Variants in PIK3C2G observed in about 807,000 individuals in gnomAD.
PIK3C2G encodes the protein phosphatidylinositol 3-kinase C2 domain-containing subunit gamma.
A neutral mutation model predicts 181.1 loss-of-function variants in PIK3C2G; 168 were observed. The ratio of observed to expected loss-of-function variants is 0.93; its 90% CI spans 0.82 to 1.05. The LOEUF (loss-of-function observed/expected upper bound fraction) is 1.05. Among genes scored for constraint, PIK3C2G ranks in the 50% least tolerant of loss-of-function variants. The probability of loss-of-function intolerance (pLI) is 0.00; values close to 1 mark genes in which losing one functional copy is unlikely to be tolerated. For missense variants in PIK3C2G, 1,869 were observed against 1,732.8 expected, an observed-to-expected ratio of 1.08 and a Z score of -1.40; for synonymous variants, 573 against 592.2, an observed-to-expected ratio of 0.97 and a Z score of 0.47.
chr12:18,629,243 G>A (rs970637255), intron 31 of PIK3C2G, among the ~76,000 whole-genome samples: 1 of 152,134 alleles, frequency 6.6e-6, no homozygotes, highest in African/African-American at 2.4e-5. Context: ...CAACAGAGAG[G>A]GAGAACTTGC....
chr12:18,429,904 T>C (rs1340596861), intron 18 of PIK3C2G, among the ~76,000 whole-genome samples: 2 of 152,192 alleles, frequency 1.3e-5, no homozygotes, highest in Non-Finnish European at 2.9e-5. Flanking sequence ...AATTAGCCTC[T>C]GATTCCACAG....
At chr12:18,418,419 A>G (rs1945298653) in intron 16 of PIK3C2G, among the ~76,000 whole-genome samples, 1 of 152,214 alleles carries the variant, frequency 6.6e-6, no homozygotes, top group Non-Finnish European at 1.5e-5. Flanking sequence ...AGACTGGTTC[A>G]GTGAATATTA....
At chr12:18,656,898 G>T in the PIK3C2G span, among the ~76,000 whole-genome samples, 21 of 152,270 alleles carry the variant, frequency 1.4e-4, no homozygotes, top group African/African-American at 4.8e-4. Flanking sequence ...GAGAGATGTG[G>T]TGTTAAAGTT....
the PIK3C2G span, chr12:18,712,906 T>C: frequency 6.2e-7 from 1 of 1,613,958 alleles, no homozygotes; most frequent in Non-Finnish European, 8.5e-7. Flanking sequence ...TGTGAGTGTG[T>C]AGCCATGATA....
At chr12:18,705,537 A>G in the PIK3C2G span, among the ~76,000 whole-genome samples, 1 of 152,188 alleles carries the variant, frequency 6.6e-6, no homozygotes, top group Non-Finnish European at 1.5e-5. Flanking sequence ...AAGAATAGGA[A>G]CAACTGAAGC....
chr12:18,251,175 G>T (rs1948092266), intron 1 of PIK3C2G, among the ~76,000 whole-genome samples: 1 of 151,902 alleles, frequency 6.6e-6, no homozygotes, highest in Non-Finnish European at 1.5e-5. Context: ...AAAGACAGAT[G>T]GAGAACATCT....
chr12:18,274,561 C>A lies in PIK3C2G; in HGVS notation c.-78-7443C>A, dbSNP rs533494269. Among the ~76,000 whole-genome samples the A allele has an allele frequency of 2.7e-3, 416 of 152,184 alleles. 2 individuals are homozygous for A. Among genetic ancestry groups the A allele is most frequent in the Non-Finnish European group, 4.5e-3 (308 of 68,010 alleles). On this transcript the variant is annotated intron_variant, in intron 1 of 32. Transcript: ENST00000538779. ...AGCAAACTATCGCAAGGACAAAAAACCAAACACCGCATGTTCTCACTTATA... is the reference window on the plus strand; with the variant it reads ...AGCAAACTATCGCAAGGACAAAAAAACAAACACCGCATGTTCTCACTTATA...
chr12:18,564,668 G>A (rs1202057205), intron 28 of PIK3C2G, among the ~76,000 whole-genome samples: 1 of 151,914 alleles, frequency 6.6e-6, no homozygotes, highest in African/African-American at 2.4e-5. Flanking sequence ...AAGTCATTCT[G>A]GCAACTTTTA....
chr12:18,540,611 T>TTTA (rs1360304971), intron 25 of PIK3C2G, among the ~76,000 whole-genome samples: 2 of 151,938 alleles, frequency 1.3e-5, no homozygotes, highest in African/African-American at 4.8e-5. Context: ...ACTGTGGTAT[T>TTTA]TTATTCATAA....
At chr12:18,664,048 A>G in the PIK3C2G span, among the ~76,000 whole-genome samples, 39 of 152,302 alleles carry the variant, frequency 2.6e-4, no homozygotes, top group African/African-American at 9.4e-4. Flanking sequence ...ACAATGATAT[A>G]ACACTCACAC....
At chr12:18,691,901 G>A in the PIK3C2G span, among the ~76,000 whole-genome samples, 3 of 152,214 alleles carry the variant, frequency 2.0e-5, no homozygotes, top group Admixed American at 6.5e-5. Context: ...TTCTAGTCCT[G>A]GTCATCTTTG....
the PIK3C2G span, among the ~76,000 whole-genome samples, chr12:18,689,635 A>T: frequency 6.6e-6 from 1 of 152,318 alleles, no homozygotes; most frequent in Admixed American, 6.5e-5. Flanking sequence ...AGAGGAAGGG[A>T]TATCAAACAA....
intron 31 of PIK3C2G, among the ~76,000 whole-genome samples, chr12:18,629,261 T>C (rs1949238705): frequency 6.6e-6 from 1 of 152,148 alleles, no homozygotes; most frequent in African/African-American, 2.4e-5. Flanking sequence ...TGCACAGATA[T>C]GAGAGAGGGC....
At chr12:18,644,781 T>G (rs1473744699) in intron 32 of PIK3C2G, among the ~76,000 whole-genome samples, 4 of 152,188 alleles carry the variant, frequency 2.6e-5, no homozygotes, top group African/African-American at 9.6e-5. Flanking sequence ...TATTCCTACC[T>G]GTCTCCTCCC....
intron 25 of PIK3C2G, among the ~76,000 whole-genome samples, chr12:18,542,092 T>C (rs1253748287): frequency 6.6e-6 from 1 of 151,764 alleles, no homozygotes; most frequent in Non-Finnish European, 1.5e-5. Context: ...AAATGTTTGA[T>C]AGAGTTCTAA....
intron 1 of PIK3C2G, among the ~76,000 whole-genome samples, chr12:18,274,364 T>C (rs961289643): frequency 3.3e-5 from 5 of 152,188 alleles, no homozygotes; most frequent in African/African-American, 1.2e-4. Context: ...GTATGTTTAT[T>C]GCGGCACTAT....
chr12:18,320,644 A>G (rs1209786509), intron 6 of PIK3C2G, among the ~76,000 whole-genome samples: 1 of 152,216 alleles, frequency 6.6e-6, no homozygotes, highest in African/African-American at 2.4e-5. Context: ...ATGTGCATGT[A>G]TGTGGGAGAA....
chr12:18,565,616 G>A lies in PIK3C2G; in HGVS notation c.3903-1333G>A, dbSNP rs1315706412. ...AATTGAGGGAGGATATGATGATACT[G>A]TCAGACAAAAGGTCATTAAAAAGTA... On this transcript the variant is annotated intron_variant, in intron 28 of 32. Transcript: ENST00000538779. 2.6e-5 allele frequency among the ~76,000 whole-genome samples: 4 copies of A among 152,114 alleles called. No homozygotes were observed. The South Asian group carries it at 6.2e-4, about 24-fold the overall frequency.
At chr12:18,465,495 T>C (rs1555195096) in intron 18 of PIK3C2G, among the ~76,000 whole-genome samples, 1 of 151,912 alleles carries the variant, frequency 6.6e-6, no homozygotes, top group Non-Finnish European at 1.5e-5. Flanking sequence ...AGGGTGTTGT[T>C]GCAAACTCTG....
Sources: gnomAD v4.1 joint callset for allele counts (sites outside exome capture counted in the v4.1 genomes callset) on GRCh38, gnomAD v4.1.1 for gene constraint, MANE v1.5 for transcripts, NCBI Gene and HGNC (gene_info 2026-07-23, HGNC 2026-07-21) for gene names.